Variants in CABLES1 observed in about 807,000 individuals in gnomAD.
CABLES1 encodes Cdk5 and Abl enzyme substrate 1.
Under a neutral mutation model 57.8 loss-of-function variants are expected in CABLES1, and 36 were observed. The observed-to-expected ratio is 0.62, with a 90% CI of 0.48 to 0.82. The LOEUF (loss-of-function observed/expected upper bound fraction) is 0.82, where lower values mean the gene tolerates loss of function less well. Among genes scored for constraint, CABLES1 ranks in the 40% least tolerant of loss-of-function variants. CABLES1 has a pLI of 0.00. For missense variants in CABLES1, 767 were observed against 836.6 expected (o/e 0.92, Z 1.03); for synonymous variants, 374 against 363.0 (o/e 1.03, Z -0.35).
At chr18:23,255,376 C>T (rs1223403572) in intron 9 of CABLES1, among the ~76,000 whole-genome samples, 1 of 152,098 alleles carries the variant, frequency 6.6e-6, no homozygotes, top group African/African-American at 2.4e-5. Context: ...GCAGAAAGGG[C>T]ACTAAGGTAG....
At position 23,200,547 on chromosome 18, in the gene CABLES1, C is replaced by A. The variant is rs1247946555; in HGVS notation, c.1010+6007C>A. Among the ~76,000 whole-genome samples, 3 of 151,972 alleles carry A rather than the reference C, an allele frequency of 2.0e-5. 1 individual carries two copies. Among genetic ancestry groups the A allele is most frequent in the Admixed American group, 2.0e-4 (3 of 15,270 alleles). ...AAAGTGCTGGGATTACAGGCGTGAGCCACCGTGCCCGGTCAGGAGAGGGTA... is the reference window on the plus strand; with the variant it reads ...AAAGTGCTGGGATTACAGGCGTGAGACACCGTGCCCGGTCAGGAGAGGGTA... On this transcript the variant is annotated intron_variant, in intron 3 of 9. Coordinates refer to ENST00000256925, the MANE Select transcript of CABLES1 (RefSeq NM_001100619.3).
In CABLES1 at chr18:23,150,207, G is replaced by GTTTTT. The variant is rs10638130; in HGVS notation, c.845+13615_845+13619dup. Among the ~76,000 whole-genome samples the GTTTTT allele has an allele frequency of 1.3e-3, 141 of 106,646 alleles. 11 individuals carry two copies. Among genetic ancestry groups the GTTTTT allele is most frequent in the South Asian group, 3.6e-3 (12 of 3,328 alleles). The allele number at this position is 106,646 out of a possible 152,430, so 70.0% of individuals were successfully genotyped here. A position where few individuals can be genotyped will look rare whatever the true frequency, so the allele number is the denominator to read the frequency against. On this transcript the variant is annotated intron_variant, in intron 1 of 9. Transcript: ENST00000256925. ...TTTAAGGTCATAGTAGTTGGTGTTTGTTTTTTTTTTTTTTTTTTTGAGACG... is the reference window on the plus strand; with the variant it reads ...TTTAAGGTCATAGTAGTTGGTGTTTGTTTTTTTTTTTTTTTTTTTTTTTTGAGACG...
intron 7 of CABLES1, among the ~76,000 whole-genome samples, chr18:23,243,468 GTTTTTTTTTTTTT>G (rs551293348): frequency 3.9e-5 from 4 of 101,878 alleles, no homozygotes; most frequent in Admixed American, 2.0e-4. Flanking sequence ...TGGGTTTGGT[GTTTTTTTTTTTTT>G]TTTTTTTTGG....
At chr18:23,157,491 C>T (rs892951255) in intron 1 of CABLES1, among the ~76,000 whole-genome samples, 6 of 151,982 alleles carry the variant, frequency 3.9e-5, no homozygotes, top group East Asian at 1.9e-4. Context: ...ATCAGGAAGC[C>T]AAGAATCAGA....
intron 7 of CABLES1, among the ~76,000 whole-genome samples, chr18:23,242,400 ACT>A (rs1459473326): frequency 6.6e-6 from 1 of 151,968 alleles, no homozygotes; most frequent in African/African-American, 2.4e-5. Context: ...CTACGTGCAG[ACT>A]CTTGCTGGGT....
intron 3 of CABLES1, among the ~76,000 whole-genome samples, chr18:23,206,211 T>A (rs1406059428): frequency 6.6e-6 from 1 of 151,998 alleles, no homozygotes; most frequent in Non-Finnish European, 1.5e-5. Context: ...ACTCCACTCC[T>A]GTGAGTGCTC....
At position 23,252,915 on chromosome 18, in the gene CABLES1, G is replaced by A. The variant is rs377552880; in HGVS notation, c.1447-45G>A. 2.3e-4 allele frequency: 307 copies of A among 1,307,446 alleles called. 3 individuals carry two copies. The South Asian group carries it at 3.2e-3, about 14-fold the overall frequency. 81.0% of individuals were successfully genotyped at this position (1,307,446 alleles called of 1,614,324 possible). ...TAGTTGGTGCATAATTATTACATAC[G>A]ACCCTTGTTTTAAGGAGTGATCCGT... On this transcript the variant is annotated intron_variant, in intron 7 of 9. Coordinates refer to ENST00000256925, the MANE Select transcript of CABLES1 (RefSeq NM_001100619.3).
chr18:23,150,803 A>G (rs2046924121), intron 1 of CABLES1, among the ~76,000 whole-genome samples: 2 of 151,556 alleles, frequency 1.3e-5, no homozygotes, highest in Admixed American at 6.6e-5. Context: ...GAGAGATGGG[A>G]CGCAGGTTTC....
At chr18:23,239,976 G>GGT (rs940272540) in intron 7 of CABLES1, among the ~76,000 whole-genome samples, 12 of 152,206 alleles carry the variant, frequency 7.9e-5, no homozygotes, top group Admixed American at 2.6e-4. Flanking sequence ...AAATTAGCCA[G>GGT]GTGTGGTGTT....
chr18:23,169,609 A>C (rs1475151187), intron 1 of CABLES1, among the ~76,000 whole-genome samples: 2 of 152,238 alleles, frequency 1.3e-5, no homozygotes, highest in Admixed American at 6.5e-5. Flanking sequence ...ATTAAACCCA[A>C]GTCATTCCTC....
chr18:23,204,086 A>G (rs2047345315), intron 3 of CABLES1, among the ~76,000 whole-genome samples: 1 of 152,130 alleles, frequency 6.6e-6, no homozygotes, highest in Admixed American at 6.5e-5. Context: ...CTTCACTGAG[A>G]TGGTCCCCAG....
rs368563307 is a variant in CABLES1 at position 23,173,055 on chromosome 18, C to T, written c.846-15783C>T. ...GAAATGGAAGTCTCAGAGCTCCAAA[C>T]GGCACCTTGATGTGTGCAGTAAGGA... On this transcript the variant is annotated intron_variant, in intron 1 of 9. Coordinates refer to ENST00000256925, the MANE Select transcript of CABLES1 (RefSeq NM_001100619.3). Among the ~76,000 whole-genome samples the T allele has an allele frequency of 3.3e-4, 51 of 152,286 alleles. No homozygotes were observed. In the East Asian group the frequency reaches 5.4e-3, roughly 16 times the overall value.
At chr18:23,146,638 C>T (rs990708958) in intron 1 of CABLES1, among the ~76,000 whole-genome samples, 8 of 152,108 alleles carry the variant, frequency 5.3e-5, no homozygotes, top group Non-Finnish European at 8.8e-5. Flanking sequence ...CATCACAAAA[C>T]GATTGATAGT....
intron 3 of CABLES1, among the ~76,000 whole-genome samples, chr18:23,201,528 G>A (rs2047325218): frequency 6.6e-6 from 1 of 152,212 alleles, no homozygotes; most frequent in Non-Finnish European, 1.5e-5. Flanking sequence ...CCATTTATAT[G>A]AAATAACCAG....
chr18:23,200,098 C>A (rs896648564), intron 3 of CABLES1, among the ~76,000 whole-genome samples: 1 of 152,006 alleles, frequency 6.6e-6, no homozygotes, highest in African/African-American at 2.4e-5. Context: ...AACAGAGAGG[C>A]CTTTTAAGTG....
Position 23,174,830 on chromosome 18 carries a change from A to G in CABLES1, c.846-14008A>G, listed in dbSNP as rs2047111154. 2.7e-5 allele frequency among the ~76,000 whole-genome samples: 3 copies of G among 111,294 alleles called. No individual in the cohort carries two copies. In the South Asian group the frequency reaches 8.2e-4, roughly 31 times the overall value. 73.0% of individuals were successfully genotyped at this position (111,294 alleles called of 152,430 possible). ...TATATACATGTTACACCATATATAT[A>G]TATATATATATATATATATATATAT... On this transcript the variant is annotated intron_variant, in intron 1 of 9. Transcript: ENST00000256925.
At chr18:23,165,462 T>C (rs1003074114) in intron 1 of CABLES1, among the ~76,000 whole-genome samples, 1 of 152,012 alleles carries the variant, frequency 6.6e-6, no homozygotes, top group African/African-American at 2.4e-5. Flanking sequence ...CTGCATCCAC[T>C]CTCCGGAACC....
intron 7 of CABLES1, among the ~76,000 whole-genome samples, chr18:23,252,675 T>C (rs888208936): frequency 6.6e-6 from 1 of 152,186 alleles, no homozygotes; most frequent in African/African-American, 2.4e-5. Flanking sequence ...ACCTGGGAAC[T>C]GACACAGGCA....
At chr18:23,189,437 C>T in intron 2 of CABLES1, 1 of 161,968 alleles carries the variant, frequency 6.2e-6, no homozygotes, top group South Asian at 1.7e-4. Flanking sequence ...GGGTGATGGC[C>T]ATTGCTGAGC....
Sources: gnomAD v4.1 joint callset for allele counts (sites outside exome capture counted in the v4.1 genomes callset) on GRCh38, gnomAD v4.1.1 for gene constraint, MANE v1.5 for transcripts, NCBI Gene and HGNC (gene_info 2026-07-23, HGNC 2026-07-21) for gene names.